GBF1: variants seen among roughly 807,000 people sequenced by gnomAD.
GBF1 encodes Golgi-specific brefeldin A-resistance guanine nucleotide exchange factor 1.
GBF1 carries 114 observed loss-of-function variants against 210.5 expected under a neutral mutation model. That is an observed-to-expected ratio of 0.54 (90% CI 0.47 to 0.63). The LOEUF (loss-of-function observed/expected upper bound fraction) is 0.63. Among genes scored for constraint, GBF1 ranks in the 30% least tolerant of loss-of-function variants. The pLI is 0.00. For synonymous variants in GBF1, 850 were observed against 889.2 expected (o/e 0.96, Z 0.78); for missense variants, 1,851 against 2,357.7 (o/e 0.79, Z 4.45).
Position 102,380,380 on chromosome 10 carries a change from T to C in GBF1, c.4992+18T>C. On this transcript the variant is annotated intron_variant, in intron 37 of 39. Coordinates refer to ENST00000369983, the MANE Select transcript of GBF1 (RefSeq NM_001377137.1). ...ACTTACTGGTATGTTCTACCTCAGC[T>C]CTGCTGCCTGCCTCCTGTCCCACCT... The C allele has an allele frequency of 6.3e-7, 1 of 1,592,728 alleles. No individual in the cohort carries two copies. Among genetic ancestry groups the C allele is most frequent in the Non-Finnish European group, 8.6e-7 (1 of 1,160,418 alleles).
chr10:102,319,657 G>C (rs779398553), intron 3 of GBF1, among the ~76,000 whole-genome samples: 1 of 149,632 alleles, frequency 6.7e-6, no homozygotes, highest in Non-Finnish European at 1.5e-5. Context: ...CTTCCCTTCA[G>C]TTTTCTCTAG....
chr10:102,350,468 A>T lies in GBF1; in HGVS notation c.296-788A>T, dbSNP rs1368081579. 4.6e-5 allele frequency among the ~76,000 whole-genome samples: 7 copies of T among 152,150 alleles called. No individual in the cohort carries two copies. The East Asian group carries it at 1.3e-3, about 29-fold the overall frequency. On this transcript the variant is annotated intron_variant, in intron 4 of 39. Transcript: ENST00000369983. ...CTAATTCAGTTGCGCCTGAACACAA[A>T]ACTCCAAAAGCAACCAGAGAGAGAA...
chr10:102,342,416 CAG>C (rs910195622), intron 3 of GBF1, among the ~76,000 whole-genome samples: 6 of 151,866 alleles, frequency 4.0e-5, no homozygotes, highest in African/African-American at 1.2e-4. Context: ...CACTCACACA[CAG>C]ACACACACAC....
chr10:102,358,245 G>C (rs1278926420), intron 9 of GBF1, 59 bp downstream of exon 9: 1 of 1,498,784 alleles, frequency 6.7e-7, no homozygotes, highest in African/African-American at 1.4e-5. Flanking sequence ...TTCTCTCTTA[G>C]GGATTTTGAA....
intron 8 of GBF1, 39 bp from the exon 9 acceptor site, chr10:102,358,000 A>T: frequency 7.1e-7 from 1 of 1,404,466 alleles, no homozygotes; most frequent in Non-Finnish European, 1.0e-6. Flanking sequence ...ATAGAGTCTT[A>T]GTTTGAATAC....
At chr10:102,333,495 G>A (rs1235175706) in intron 3 of GBF1, among the ~76,000 whole-genome samples, 3 of 150,886 alleles carry the variant, frequency 2.0e-5, no homozygotes, top group African/African-American at 7.3e-5. Context: ...TTTTGAAACA[G>A]GGTTCCACTC....
intron 17 of GBF1, among the ~76,000 whole-genome samples, chr10:102,365,059 C>T (rs2059834263): frequency 6.6e-6 from 1 of 152,178 alleles, no homozygotes; most frequent in Non-Finnish European, 1.5e-5. Context: ...GGCTGGCTAT[C>T]AACAAATGTC....
intron 3 of GBF1, among the ~76,000 whole-genome samples, chr10:102,324,122 T>C (rs2056685508): frequency 6.6e-6 from 1 of 152,206 alleles, no homozygotes; most frequent in Non-Finnish European, 1.5e-5. Flanking sequence ...ACCTCTGGCT[T>C]AAATACGCAC....
At chr10:102,293,769 G>GTTTTTTTTTTTT (rs2076658017) in intron 3 of GBF1, among the ~76,000 whole-genome samples, 1 of 27,770 alleles carries the variant, frequency 3.6e-5, no homozygotes, top group Non-Finnish European at 6.2e-5. Context: ...AGTATGTTTT[G>GTTTTTTTTTTTT]TGTTTTTTTT....
intron 3 of GBF1, among the ~76,000 whole-genome samples, chr10:102,305,237 G>A (rs1415534687): frequency 6.7e-6 from 1 of 149,858 alleles, no homozygotes; most frequent in African/African-American, 2.5e-5. Context: ...TCACCTCAGT[G>A]AAATAATATT....
intron 20 of GBF1, 40 bp downstream of exon 20, chr10:102,367,250 C>G (rs1437366622): frequency 6.2e-7 from 1 of 1,603,100 alleles, no homozygotes; most frequent in Non-Finnish European, 8.5e-7. Flanking sequence ...AGACCCAGCA[C>G]AGCTTGGGAG....
upstream of GBF1, among the ~76,000 whole-genome samples, chr10:102,245,331 G>C (rs1265558260): frequency 6.6e-6 from 1 of 152,160 alleles, no homozygotes; most frequent in Non-Finnish European, 1.5e-5. Flanking sequence ...CACTCAGAGA[G>C]TACTCGTATC....
At chr10:102,367,042 C>T (rs2059954414) in intron 19 of GBF1, 43 bp from the exon 20 acceptor site, 1 of 1,608,702 alleles carries the variant, frequency 6.2e-7, no homozygotes, top group African/African-American at 1.3e-5. Flanking sequence ...GTTTAATTGG[C>T]CAGAGAAGGG....
rs1024692339 is a variant in GBF1 at position 102,293,584 on chromosome 10, C to T, written c.163+33468C>T. On this transcript the variant is annotated intron_variant, in intron 3 of 39. Coordinates refer to ENST00000369983, the MANE Select transcript of GBF1 (RefSeq NM_001377137.1). ...CCTGAAGACCTTCCAGTGGGACAAG[C>T]TGTGGAGGTGGAAACCAGTGATATT... is the stretch of plus-strand genomic sequence containing the variant. Among the ~76,000 whole-genome samples, 9 of 152,066 alleles carry T rather than the reference C, an allele frequency of 5.9e-5. No individual in the cohort carries two copies. The South Asian group carries it at 1.9e-3, about 32-fold the overall frequency.
intron 21 of GBF1, 103 bp from the exon 22 acceptor site, chr10:102,368,115 C>CT (rs984672746): frequency 1.4e-5 from 11 of 762,190 alleles, no homozygotes; most frequent in Admixed American, 1.3e-4. Flanking sequence ...TTCTGATGAC[C>CT]TCTCATCAGT....
At chr10:102,267,651 T>C (rs1309742631) in intron 3 of GBF1, among the ~76,000 whole-genome samples, 1 of 152,194 alleles carries the variant, frequency 6.6e-6, no homozygotes, top group Non-Finnish European at 1.5e-5. Flanking sequence ...TTAATCAGCA[T>C]GAGAAGAAGG....
intron 2 of GBF1, among the ~76,000 whole-genome samples, chr10:102,259,237 ATTC>A (rs765011035): frequency 2.0e-5 from 3 of 152,178 alleles, no homozygotes; most frequent in East Asian, 3.8e-4. Flanking sequence ...AGATGACACC[ATTC>A]TTCTTCTAAA....
chr10:102,370,459 A>G lies in GBF1; in HGVS notation c.3487A>G (p.Arg1163Gly), dbSNP rs780010684. ...DAAFCLEMLLRIVLENRDRVG... is the reference protein window; with the variant it reads ...DAAFCLEMLLGIVLENRDRVG... Reference sequence around the variant, plus strand: ...TGCTTTCTGCCTAGAGATGCTGCTAAGGATTGTGTTGGAGAACAGGTAAGA... The same window carrying G: ...TGCTTTCTGCCTAGAGATGCTGCTAGGGATTGTGTTGGAGAACAGGTAAGA... Residue 1163 changes from arginine (R) to glycine (G), a missense_variant, in exon 28 of 40, where the codon AGG becomes GGG. Physicochemically the swap from Arg to Gly is moderately radical, Grantham distance 125. Transcript: ENST00000369983. The G allele has an allele frequency of 1.2e-6, 2 of 1,612,410 alleles. No homozygotes were observed. The highest frequency in any genetic ancestry group is 1.7e-6 in the Non-Finnish European group (2 of 1,178,364).
the GBF1 span, chr10:102,231,660 C>T: frequency 7.4e-6 from 12 of 1,612,552 alleles, no homozygotes; most frequent in Non-Finnish European, 1.0e-5. Context: ...GGTAGCGGTT[C>T]CTCTGGAAGG....
Sources: allele counts gnomAD v4.1 joint callset (sites outside exome capture counted in the v4.1 genomes callset), GRCh38; gene constraint gnomAD v4.1.1; transcripts MANE v1.5; gene names NCBI Gene and HGNC (gene_info 2026-07-23, HGNC 2026-07-21).